The following HSD17B12 variants were observed in gnomAD, a reference collection of about 807,000 sequenced individuals.
HSD17B12 encodes hydroxysteroid 17-beta dehydrogenase 12, also known as very-long-chain 3-oxoacyl-CoA reductase.
Under a neutral mutation model 39.3 loss-of-function variants are expected in HSD17B12, and 32 were observed. The ratio of observed to expected loss-of-function variants is 0.81; its 90% CI spans 0.61 to 1.09. HSD17B12 has a LOEUF of 1.09. HSD17B12 is among the 50% of genes least tolerant of loss of function. The probability of loss-of-function intolerance (pLI) is 0.00; values close to 1 mark genes in which losing one functional copy is unlikely to be tolerated. For missense variants in HSD17B12, 342 were observed against 382.9 expected, an observed-to-expected ratio of 0.89 and a Z score of 0.89; for synonymous variants, 150 against 146.7, an observed-to-expected ratio of 1.02 and a Z score of -0.16.
chr11:43,758,104 A>G (rs1392125320), intron 3 of HSD17B12, among the ~76,000 whole-genome samples: 1 of 152,208 alleles, frequency 6.6e-6, no homozygotes, highest in Non-Finnish European at 1.5e-5. Context: ...CAGTCAGCCA[A>G]CCAAGTCAAC....
intron 3 of HSD17B12, 122 bp from the exon 4 acceptor site, chr11:43,798,198 A>G: frequency 1.6e-6 from 1 of 635,314 alleles, no homozygotes; most frequent in Non-Finnish European, 2.8e-6. Flanking sequence ...CCTGGTGTAA[A>G]TTTTGTATCA....
intron 10 of HSD17B12, 85 bp downstream of exon 10, chr11:43,854,949 T>C (rs1051357595): frequency 1.5e-6 from 2 of 1,348,844 alleles, no homozygotes; most frequent in Admixed American, 4.0e-5. Context: ...ATGTAATAGA[T>C]TAGCACATAT....
At chr11:43,815,306 T>G in intron 4 of HSD17B12, 131 bp from the exon 5 acceptor site, 1 of 456,330 alleles carries the variant, frequency 2.2e-6, no homozygotes, top group South Asian at 6.4e-5. Flanking sequence ...TGGAAAAGGT[T>G]ATGCTAGCCA....
At chr11:43,590,018 A>T in the HSD17B12 span, among the ~76,000 whole-genome samples, 4 of 152,208 alleles carry the variant, frequency 2.6e-5, no homozygotes, top group Non-Finnish European at 2.9e-5. Flanking sequence ...CTCAAGTGAG[A>T]TGAACTGTTA....
chr11:43,724,350 C>T (rs552615248), intron 1 of HSD17B12, among the ~76,000 whole-genome samples: 36 of 151,576 alleles, frequency 2.4e-4, no homozygotes, highest in African/African-American at 6.3e-4. Context: ...TAGGGGTTAC[C>T]ATATGTGGCA....
chr11:43,635,463 A>C, the HSD17B12 span, among the ~76,000 whole-genome samples: 1 of 152,232 alleles, frequency 6.6e-6, no homozygotes, highest in Non-Finnish European at 1.5e-5. Flanking sequence ...TTTGTAGAAA[A>C]GCACAGGAGA....
the HSD17B12 span, among the ~76,000 whole-genome samples, chr11:43,665,590 G>A: frequency 1.3e-5 from 2 of 152,048 alleles, no homozygotes; most frequent in Non-Finnish European, 2.9e-5. Context: ...AAATCTAGTA[G>A]GTCCTTCAGG....
At chr11:43,725,062 G>A (rs892281728) in intron 1 of HSD17B12, among the ~76,000 whole-genome samples, 84 of 152,106 alleles carry the variant, frequency 5.5e-4, no homozygotes, top group African/African-American at 2.0e-3. Flanking sequence ...TTGGAGAACA[G>A]GATTTCTGAC....
At chr11:43,798,189 C>G in intron 3 of HSD17B12, 131 bp from the exon 4 acceptor site, 1 of 616,226 alleles carries the variant, frequency 1.6e-6, no homozygotes, top group South Asian at 1.7e-5. Flanking sequence ...TAAAATTATC[C>G]TGGTGTAAAT....
chr11:43,820,331 T>C (rs949986084), intron 6 of HSD17B12, among the ~76,000 whole-genome samples: 1 of 152,202 alleles, frequency 6.6e-6, no homozygotes, highest in Non-Finnish European at 1.5e-5. Context: ...TTCTTACTTA[T>C]ACTGAGAGAA....
the HSD17B12 span, among the ~76,000 whole-genome samples, chr11:43,641,925 A>T: frequency 1.3e-5 from 2 of 151,934 alleles, no homozygotes; most frequent in Non-Finnish European, 3.0e-5. Flanking sequence ...TTCAGAAATT[A>T]TAGAATCTGT....
the HSD17B12 span, among the ~76,000 whole-genome samples, chr11:43,574,084 G>T: frequency 6.6e-6 from 1 of 152,368 alleles, no homozygotes; most frequent in East Asian, 1.9e-4. Context: ...TGGGCTGCCA[G>T]AGGGTGTCCT....
chr11:43,831,076 C>G lies in HSD17B12; in HGVS notation c.536+66C>G. ...CTCATGATTATTTAGAGGGAGAATCCTTGCTTTGAAAAAATCACTGAAGTG... is the reference window on the plus strand; with the variant it reads ...CTCATGATTATTTAGAGGGAGAATCGTTGCTTTGAAAAAATCACTGAAGTG... On this transcript the variant is annotated intron_variant, in intron 7 of 10. Transcript: ENST00000278353. This position sits in a 1 kb window ranked among gnomAD's most constrained non-coding sequence, Gnocchi z 4.1. 3 of 1,447,722 alleles carry G rather than the reference C, an allele frequency of 2.1e-6. No individual in the cohort carries two copies. The highest frequency in any genetic ancestry group is 2.8e-6 in the Non-Finnish European group (3 of 1,055,212). 89.7% of individuals were successfully genotyped at this position (1,447,722 alleles called of 1,614,324 possible). A position where few individuals can be genotyped will look rare whatever the true frequency, so the allele number is the denominator to read the frequency against.
chr11:43,805,900 G>A (rs758050540), intron 4 of HSD17B12, among the ~76,000 whole-genome samples: 9 of 152,154 alleles, frequency 5.9e-5, no homozygotes, highest in South Asian at 4.1e-4. Context: ...TGACACCCTC[G>A]GGTTCAATAA....
chr11:43,783,489 G>A (rs959105003), intron 3 of HSD17B12, among the ~76,000 whole-genome samples: 4 of 149,370 alleles, frequency 2.7e-5, no homozygotes, highest in Non-Finnish European at 4.4e-5. Flanking sequence ...AGGTATACAC[G>A]TGCCATGGTG....
intron 1 of HSD17B12, among the ~76,000 whole-genome samples, chr11:43,682,125 A>G (rs1949751888): frequency 6.6e-6 from 1 of 152,244 alleles, no homozygotes. Context: ...TAGGAAAGAC[A>G]TATGTTAACC....
chr11:43,775,579 A>AATTTATTTCTTTTTTATTTATTT (rs1950692461), intron 3 of HSD17B12, among the ~76,000 whole-genome samples: 1 of 151,414 alleles, frequency 6.6e-6, no homozygotes, highest in Non-Finnish European at 1.5e-5. Context: ...TTGCAACTCA[A>AATTTATTTCTTTTTTATTTATTT]ATTTATTTCT....
the HSD17B12 span, among the ~76,000 whole-genome samples, chr11:43,592,936 C>T: frequency 2.6e-5 from 4 of 152,080 alleles, no homozygotes; most frequent in African/African-American, 9.7e-5. Context: ...AAAAGATCCT[C>T]ACTGGTTGAG....
chr11:43,666,773 C>T, the HSD17B12 span, among the ~76,000 whole-genome samples: 1 of 152,212 alleles, frequency 6.6e-6, no homozygotes, highest in Non-Finnish European at 1.5e-5. Flanking sequence ...CACTATACTT[C>T]ACACGACATT....
Sources: gnomAD v4.1 joint callset for allele counts (sites outside exome capture counted in the v4.1 genomes callset) on GRCh38, gnomAD v4.1.1 for gene constraint, Gnocchi (gnomAD v3.1) non-coding constraint, MANE v1.5 for transcripts, NCBI Gene and HGNC (gene_info 2026-07-23, HGNC 2026-07-21) for gene names.